Variants in SCAPER observed in about 807,000 individuals in gnomAD.
The protein encoded by SCAPER is S-phase cyclin A associated protein in the ER, also known as S phase cyclin A-associated protein in the endoplasmic reticulum.
A neutral mutation model predicts 182.2 loss-of-function variants in SCAPER; 98 were observed. The observed-to-expected ratio is 0.54, with a 90% confidence interval of 0.46 to 0.64. The LOEUF (loss-of-function observed/expected upper bound fraction) is 0.64, where lower values mean the gene tolerates loss of function less well. Among genes scored for constraint, SCAPER ranks in the 30% least tolerant of loss-of-function variants. SCAPER has a pLI of 0.00. For synonymous variants in SCAPER, 605 were observed against 564.6 expected (o/e 1.07, Z -1.01); for missense variants, 1,432 against 1,690.0 (o/e 0.85, Z 2.68).
At chr15:76,819,134 T>C (rs1031113067) in intron 5 of SCAPER, among the ~76,000 whole-genome samples, 10 of 152,222 alleles carry the variant, frequency 6.6e-5, no homozygotes, top group African/African-American at 2.4e-4. Context: ...GAGGCCTGCC[T>C]GCCTCTGTGG....
rs376476310 is a variant in SCAPER, at chr15:76,800,282, C to T, written c.577G>A (p.Val193Ile). The T allele has an allele frequency of 1.2e-6, 2 of 1,612,952 alleles. No individual in the cohort carries two copies. Among genetic ancestry groups the T allele is most frequent in the African/African-American group, 2.7e-5 (2 of 74,864 alleles). Residue 193 changes from valine to isoleucine, a missense_variant, in exon 7 of 32, where the codon GTA becomes ATA. Val to Ile is a conservative substitution (Grantham distance 29). Around this residue, in one of 5 missense-constraint regions of SCAPER, gnomAD observed 480 missense variants for 510.2 expected, o/e 0.94. Transcript: ENST00000563290. The part of the protein sequence containing the change: ...IPSPSTDRIN[V>I]TSNARRSLNF... ...AAGCTTCGTCGAGCATTTGATGTTA[C>T]ATTTATTCTATCTGTTGATGGACTT...
At chr15:76,609,856 T>C (rs2050818455) in intron 22 of SCAPER, among the ~76,000 whole-genome samples, 1 of 152,212 alleles carries the variant, frequency 6.6e-6, no homozygotes, top group Non-Finnish European at 1.5e-5. Flanking sequence ...GCAGCTGGAC[T>C]GTGACTTTAA....
In SCAPER at chr15:76,592,823, C is replaced by A. The variant is rs1410792785; in HGVS notation, c.2712-18539G>T. 1.6e-5 allele frequency among the ~76,000 whole-genome samples: 2 copies of A among 122,004 alleles called. 1 individual carries two copies. Among genetic ancestry groups the A allele is most frequent in the Non-Finnish European group, 4.0e-5 (2 of 50,070 alleles). 80.0% of individuals were successfully genotyped at this position (122,004 alleles called of 152,430 possible). On this transcript the variant is annotated intron_variant, in intron 22 of 31. Transcript: ENST00000563290. Reference sequence around the variant, plus strand: ...ATGCTTTTCCTAAGGTCTTTGCAACCCGCAGACCAGGAGATTCCCTTGGGT... The same window carrying A: ...ATGCTTTTCCTAAGGTCTTTGCAACACGCAGACCAGGAGATTCCCTTGGGT...
intron 8 of SCAPER, among the ~76,000 whole-genome samples, chr15:76,779,505 A>G (rs947844246): frequency 2.0e-5 from 3 of 152,170 alleles, no homozygotes; most frequent in Admixed American, 6.5e-5. Flanking sequence ...AAGATAAAAT[A>G]GACAATCTGG....
At chr15:76,353,878 G>A in intron 30 of SCAPER, 71 bp downstream of exon 30, 4 of 1,322,870 alleles carry the variant, frequency 3.0e-6, no homozygotes, top group Non-Finnish European at 4.0e-6. Flanking sequence ...TAAACAGCTG[G>A]CTTACTTTTA....
At chr15:76,838,467 T>G (rs1357876016) in intron 5 of SCAPER, among the ~76,000 whole-genome samples, 1 of 152,164 alleles carries the variant, frequency 6.6e-6, no homozygotes, top group Non-Finnish European at 1.5e-5. Flanking sequence ...TCTAATACCT[T>G]CATCTATGCC....
At chr15:76,712,730 C>T (rs1382864192) in intron 17 of SCAPER, among the ~76,000 whole-genome samples, 4 of 151,894 alleles carry the variant, frequency 2.6e-5, no homozygotes, top group East Asian at 3.9e-4. Context: ...CATGATTTTG[C>T]TCTCTGTTTG....
At chr15:76,607,591 G>A (rs1226833917) in intron 22 of SCAPER, among the ~76,000 whole-genome samples, 4 of 152,144 alleles carry the variant, frequency 2.6e-5, no homozygotes, top group Admixed American at 6.5e-5. Context: ...AAGTTCTCCT[G>A]GATAATATCC....
chr15:76,837,478 A>G (rs1325968040), intron 5 of SCAPER, among the ~76,000 whole-genome samples: 1 of 152,178 alleles, frequency 6.6e-6, no homozygotes, highest in East Asian at 1.9e-4. Context: ...CAAAAGGGGG[A>G]AAAGCCCCTT....
At chr15:76,558,244 T>C (rs766926412) in intron 23 of SCAPER, among the ~76,000 whole-genome samples, 1 of 152,154 alleles carries the variant, frequency 6.6e-6, no homozygotes, top group Non-Finnish European at 1.5e-5. Flanking sequence ...ATTTGCAAAC[T>C]ATGCATCTAA....
intron 25 of SCAPER, among the ~76,000 whole-genome samples, chr15:76,456,588 C>T (rs2142901555): frequency 6.6e-6 from 1 of 152,210 alleles, no homozygotes; most frequent in East Asian, 1.9e-4. Flanking sequence ...CAGTGATCTA[C>T]AAACATCAAT....
intron 21 of SCAPER, among the ~76,000 whole-genome samples, chr15:76,662,601 C>G (rs1156875647): frequency 2.0e-5 from 3 of 152,084 alleles, no homozygotes; most frequent in African/African-American, 7.2e-5. Context: ...GGCAGATTTA[C>G]ATTTTTATCA....
At chr15:76,530,019 T>G (rs944533274) in intron 23 of SCAPER, among the ~76,000 whole-genome samples, 7 of 152,164 alleles carry the variant, frequency 4.6e-5, no homozygotes, top group African/African-American at 1.7e-4. Flanking sequence ...TAACCACCTC[T>G]CTACTTGACT....
chr15:76,659,533 G>A (rs889516735), intron 21 of SCAPER, among the ~76,000 whole-genome samples: 5 of 152,184 alleles, frequency 3.3e-5, no homozygotes, highest in Non-Finnish European at 7.3e-5. Flanking sequence ...GCCTCCCAAA[G>A]TGTTGGGATT....
At chr15:76,693,812 T>TCC (rs2058507908) in intron 20 of SCAPER, among the ~76,000 whole-genome samples, 3 of 152,102 alleles carry the variant, frequency 2.0e-5, no homozygotes, top group Non-Finnish European at 4.4e-5. Flanking sequence ...AGAATAGTGA[T>TCC]CACCAGGGTC....
rs183640742 is a variant in SCAPER, at chr15:76,584,574, C to T, written c.2712-10290G>A. On this transcript the variant is annotated intron_variant, in intron 22 of 31. Coordinates refer to ENST00000563290, the MANE Select transcript of SCAPER (RefSeq NM_020843.4). ...CACAAAAATTAAATATAAAAAAATGCAAAATCTAAGGCTCAAGAAAGTTAT... is the reference window on the plus strand; with the variant it reads ...CACAAAAATTAAATATAAAAAAATGTAAAATCTAAGGCTCAAGAAAGTTAT... Among the ~76,000 whole-genome samples, 593 of 152,196 alleles carry T rather than the reference C, an allele frequency of 3.9e-3. 4 individuals are homozygous for T. Among genetic ancestry groups the T allele is most frequent in the Non-Finnish European group, 5.7e-3 (390 of 67,994 alleles).
At chr15:76,694,887 GAA>G (rs981816475) in intron 20 of SCAPER, among the ~76,000 whole-genome samples, 5 of 151,964 alleles carry the variant, frequency 3.3e-5, no homozygotes, top group Non-Finnish European at 5.9e-5. Context: ...TGAATAAATT[GAA>G]AAAAGCAATT....
chr15:76,487,502 A>G (rs890095443), intron 24 of SCAPER, among the ~76,000 whole-genome samples: 1 of 152,192 alleles, frequency 6.6e-6, no homozygotes, highest in Non-Finnish European at 1.5e-5. Flanking sequence ...CAAAGAGTGA[A>G]CCCTAATGTA....
At chr15:76,727,309 A>G (rs2060654332) in intron 17 of SCAPER, among the ~76,000 whole-genome samples, 1 of 152,120 alleles carries the variant, frequency 6.6e-6, no homozygotes, top group South Asian at 2.1e-4. Context: ...GGGCCAGGAC[A>G]GTCCTAATAA....
Sources: allele counts gnomAD v4.1 joint callset (sites outside exome capture counted in the v4.1 genomes callset), GRCh38; gene constraint gnomAD v4.1.1; regional missense constraint gnomAD v4.1.1; transcripts MANE v1.5; gene names NCBI Gene and HGNC (gene_info 2026-07-23, HGNC 2026-07-21).